IRAG2: variants seen among roughly 807,000 people sequenced by gnomAD.
IRAG2 encodes the protein lymphoid restricted membrane protein.
In IRAG2, 45 loss-of-function variants were observed where a neutral mutation model predicts 69.9. The ratio of observed to expected loss-of-function variants is 0.64; its 90% confidence interval spans 0.51 to 0.83. The LOEUF (loss-of-function observed/expected upper bound fraction) is 0.83. Ranked by LOEUF, IRAG2 falls within the 40% of genes least tolerant of loss-of-function variation. IRAG2 has a pLI of 0.00. For missense variants in IRAG2, 520 were observed against 587.0 expected (o/e 0.89, Z 1.18); for synonymous variants, 193 against 202.4 (o/e 0.95, Z 0.40).
intron 14 of IRAG2, chr12:25,036,453 G>A: frequency 2.5e-6 from 1 of 394,266 alleles, no homozygotes; most frequent in Non-Finnish European, 4.5e-6. Context: ...AGTCACTGGG[G>A]GCATTAGATG....
At chr12:25,081,065 T>A (rs1947171407) in intron 9 of IRAG2, among the ~76,000 whole-genome samples, 1 of 152,238 alleles carries the variant, frequency 6.6e-6, no homozygotes, top group Admixed American at 6.5e-5. Flanking sequence ...ATAAGTTTAA[T>A]TTATTAATTA....
chr12:25,035,554 G>T (rs1944696552), intron 13 of IRAG2: 1 of 397,062 alleles, frequency 2.5e-6, no homozygotes, highest in East Asian at 3.6e-5. Flanking sequence ...AAATGACAAG[G>T]ACAATGACAT....
At chr12:25,096,880 A>T (rs771558398) in intron 14 of IRAG2, 30 bp from the exon 15 acceptor site, 2 of 1,578,734 alleles carry the variant, frequency 1.3e-6, no homozygotes, top group East Asian at 2.3e-5. Flanking sequence ...CTTGTGTTAG[A>T]TATCTTTTAA....
Position 25,107,044 on chromosome 12 carries a change from CT to C in IRAG2, c.1252del (p.Ser418GlnfsTer6), listed in dbSNP as rs1302139178. 6.4e-7 allele frequency: 1 copy of C among 1,574,466 alleles called. No homozygotes were observed. The highest frequency in any genetic ancestry group is 8.7e-7 in the Non-Finnish European group (1 of 1,149,454). On this transcript the variant is annotated frameshift_variant, in exon 21 of 22. Coordinates refer to ENST00000556887, the MANE Select transcript of IRAG2 (RefSeq NM_001366544.2). LOFTEE classifies it low-confidence loss of function (END_TRUNC). The stretch of plus-strand genomic sequence containing the variant: ...AATAATCCATCAAAGTGGGATGTCT[CT>C]TCAGTGTAAGTTATCTACTTGATAA... The part of the protein sequence containing the change: ...KKNNPSKWDV[S>X]SVYDTIASWA...
chr12:25,011,821 C>T (rs1272545761), intron 3 of IRAG2, among the ~76,000 whole-genome samples: 1 of 152,148 alleles, frequency 6.6e-6, no homozygotes, highest in Non-Finnish European at 1.5e-5. Flanking sequence ...GGAACCACTG[C>T]TGTCATTCAT....
Position 25,108,198 on chromosome 12 carries a change from TC to T in IRAG2, c.*139del. The T allele has an allele frequency of 1.0e-6, 1 of 960,000 alleles. No individual in the cohort carries two copies. Among genetic ancestry groups the T allele is most frequent in the East Asian group, 2.5e-5 (1 of 39,434 alleles). 59.5% of individuals were successfully genotyped at this position (960,000 alleles called of 1,614,324 possible). A position where few individuals can be genotyped will look rare whatever the true frequency, so the allele number is the denominator to read the frequency against. On this transcript the variant is annotated 3_prime_UTR_variant, in exon 22 of 22. Transcript: ENST00000556887. The stretch of plus-strand genomic sequence containing the variant: ...TGACTGTAAGATAGCTTACATTTCC[TC>T]TTTTTGCCTTTATCTCCCCAACTAA...
intron 16 of IRAG2, among the ~76,000 whole-genome samples, chr12:25,043,902 A>G (rs1944770658): frequency 6.6e-6 from 1 of 152,238 alleles, no homozygotes; most frequent in African/African-American, 2.4e-5. Context: ...AAACAGGTAA[A>G]GAACTTACCT....
At chr12:25,015,457 T>G (rs1209935398) in intron 5 of IRAG2, 1 of 1,171,356 alleles carries the variant, frequency 8.5e-7, no homozygotes, top group African/African-American at 1.6e-5. Flanking sequence ...CTTTCGCAAG[T>G]GTTTCAACTT....
rs1187642131 is a variant in IRAG2 at position 25,079,418 on chromosome 12, T to C, written c.92T>C (p.Leu31Ser). The C allele has an allele frequency of 1.2e-6, 2 of 1,613,636 alleles. No individual in the cohort carries two copies. Among genetic ancestry groups the C allele is most frequent in the African/African-American group, 2.7e-5 (2 of 74,914 alleles). Residue 31 changes from leucine to serine, a missense_variant, in exon 8 of 22, where the codon TTA becomes TCA. Transcript: ENST00000556887. ...GGCAGGGAATATTCCTCACTACCATTACCCAGACACACTTCATCGACAGAC... is the reference window on the plus strand; with the variant it reads ...GGCAGGGAATATTCCTCACTACCATCACCCAGACACACTTCATCGACAGAC... ...LQSREYSSLPLPRHTSSTDGT... is the reference protein window; with the variant it reads ...LQSREYSSLPSPRHTSSTDGT...
chr12:25,063,390 T>C (rs1428590699), intron 3 of IRAG2, among the ~76,000 whole-genome samples: 2 of 152,204 alleles, frequency 1.3e-5, no homozygotes, highest in African/African-American at 2.4e-5. Flanking sequence ...CGAAGAATTA[T>C]GTAACTAAGT....
intron 16 of IRAG2, among the ~76,000 whole-genome samples, chr12:25,045,436 A>G (rs1241411203): frequency 6.6e-6 from 1 of 152,102 alleles, no homozygotes; most frequent in Non-Finnish European, 1.5e-5. Flanking sequence ...AAAAGCAATT[A>G]AAAAGCAGCA....
chr12:25,048,896 G>A (rs1185187166), upstream of IRAG2, among the ~76,000 whole-genome samples: 1 of 152,108 alleles, frequency 6.6e-6, no homozygotes, highest in African/African-American at 2.4e-5. Flanking sequence ...ATAGTTTTGG[G>A]TTTTACACTT....
chr12:25,038,740 C>A (rs908842227), intron 16 of IRAG2, among the ~76,000 whole-genome samples: 12 of 151,948 alleles, frequency 7.9e-5, no homozygotes, highest in Non-Finnish European at 1.5e-4. Flanking sequence ...CCAGAAGAAG[C>A]CTTAGAGAGC....
intron 13 of IRAG2, among the ~76,000 whole-genome samples, chr12:25,035,302 T>C (rs1482209306): frequency 6.6e-6 from 1 of 152,214 alleles, no homozygotes; most frequent in Non-Finnish European, 1.5e-5. Context: ...GAAGCCAACC[T>C]GTTTTCAGTG....
intron 9 of IRAG2, among the ~76,000 whole-genome samples, chr12:25,082,388 C>G (rs1044323749): frequency 6.6e-6 from 1 of 151,838 alleles, no homozygotes; most frequent in Non-Finnish European, 1.5e-5. Context: ...TGCTTGAACT[C>G]AAGAGTTCAA....
intron 3 of IRAG2, chr12:25,015,109 A>AAAAAAAAAAAC (rs1944513231): frequency 2.3e-6 from 1 of 429,010 alleles, no homozygotes; most frequent in Non-Finnish European, 3.2e-6. Context: ...AAAAAAAAAA[A>AAAAAAAAAAAC]AAAGACAAAA....
At chr12:25,006,235 C>T (rs1357469333) in intron 2 of IRAG2, 1 of 152,064 alleles carries the variant, frequency 6.6e-6, no homozygotes, top group Non-Finnish European at 1.5e-5. Context: ...CAACAGATGT[C>T]GGTGAGGTTA....
rs1565600231 is a variant in IRAG2 at position 25,108,178 on chromosome 12, G to GT, written c.*119dup. ...GAAACCAGAGGTTCTCAGAATGACT[G>GT]TAAGATAGCTTACATTTCCTCTTTT... On this transcript the variant is annotated 3_prime_UTR_variant, in exon 22 of 22. Coordinates refer to ENST00000556887, the MANE Select transcript of IRAG2 (RefSeq NM_001366544.2). 8.7e-7 allele frequency: 1 copy of GT among 1,144,556 alleles called. No homozygotes were observed. The highest frequency in any genetic ancestry group is 1.2e-6 in the Non-Finnish European group (1 of 814,880). 70.9% of individuals were successfully genotyped at this position (1,144,556 alleles called of 1,614,324 possible).
chr12:25,042,429 G>A (rs1451010717), intron 16 of IRAG2, among the ~76,000 whole-genome samples: 1 of 152,044 alleles, frequency 6.6e-6, no homozygotes, highest in Non-Finnish European at 1.5e-5. Flanking sequence ...AATCTTCAAA[G>A]GTTTATCATC....
Sources: allele counts gnomAD v4.1 joint callset (sites outside exome capture counted in the v4.1 genomes callset), GRCh38; gene constraint gnomAD v4.1.1; transcripts MANE v1.5; gene names NCBI Gene and HGNC (gene_info 2026-07-23, HGNC 2026-07-21).